Variants in MYO5B observed in about 807,000 individuals in gnomAD.
The protein encoded by MYO5B is myosin VB.
A neutral mutation model predicts 229.3 loss-of-function variants in MYO5B; 143 were observed. The observed-to-expected ratio is 0.62, with a 90% CI of 0.54 to 0.72. The LOEUF is 0.72. MYO5B is among the 30% of genes least tolerant of loss of function. MYO5B has a pLI of 0.00. For missense variants in MYO5B, 2,321 were observed against 2,331.0 expected (o/e 1.00, Z 0.09); for synonymous variants, 918 against 885.2 (o/e 1.04, Z -0.66).
At chr18:50,002,163 C>T (rs1454700242) in intron 4 of MYO5B, among the ~76,000 whole-genome samples, 4 of 152,128 alleles carry the variant, frequency 2.6e-5, no homozygotes, top group African/African-American at 7.2e-5. Context: ...ATCTTTTCTT[C>T]TCCTCCTGCA....
intron 14 of MYO5B, among the ~76,000 whole-genome samples, chr18:49,948,168 A>G (rs975575770): frequency 6.6e-6 from 1 of 152,270 alleles, no homozygotes; most frequent in African/African-American, 2.4e-5. Context: ...CCTCTGAAAC[A>G]GACACATAAA....
chr18:49,984,691 T>C (rs2025852225), intron 8 of MYO5B, 27 bp downstream of exon 8: 7 of 1,546,964 alleles, frequency 4.5e-6, no homozygotes, highest in Non-Finnish European at 5.4e-6. Context: ...CCTCGGGGCC[T>C]GCTTCCCCAA....
intron 1 of MYO5B, among the ~76,000 whole-genome samples, chr18:50,132,221 A>C (rs1365089121): frequency 2.6e-5 from 4 of 152,184 alleles, no homozygotes; most frequent in Non-Finnish European, 5.9e-5. Context: ...TCCTTTTAGG[A>C]TCCTCTGGAA....
intron 36 of MYO5B, among the ~76,000 whole-genome samples, chr18:49,838,072 C>T (rs1050623749): frequency 6.6e-6 from 1 of 152,170 alleles, no homozygotes; most frequent in African/African-American, 2.4e-5. Flanking sequence ...TTTGGTATCG[C>T]CTGTGCTGAA....
Position 50,070,784 on chromosome 18 carries a change from C to A in MYO5B, c.28-15406G>T, listed in dbSNP as rs540932290. The stretch of plus-strand genomic sequence containing the variant: ...CCACATCCCCATCCTACCTGCACCC[C>A]CCGGCCCCTGCACACCCCCACTGCC... On this transcript the variant is annotated intron_variant, in intron 1 of 39. Coordinates refer to ENST00000285039, the MANE Select transcript of MYO5B (RefSeq NM_001080467.3). Among the ~76,000 whole-genome samples, 5 of 152,058 alleles carry A rather than the reference C, an allele frequency of 3.3e-5. No homozygotes were observed. The South Asian group carries it at 6.2e-4, about 19-fold the overall frequency.
At chr18:49,970,679 G>T (rs1016649333) in intron 10 of MYO5B, among the ~76,000 whole-genome samples, 4 of 152,016 alleles carry the variant, frequency 2.6e-5, no homozygotes, top group African/African-American at 4.8e-5. Flanking sequence ...GAATTATTTC[G>T]GTTCATGAAT....
intron 32 of MYO5B, among the ~76,000 whole-genome samples, chr18:49,848,099 C>T (rs114815248): frequency 4.1e-4 from 62 of 152,362 alleles, no homozygotes; most frequent in African/African-American, 1.1e-3. Context: ...GCACACGGGA[C>T]GCTGTCCTAA....
chr18:50,008,039 T>C (rs1029878458), intron 4 of MYO5B, among the ~76,000 whole-genome samples: 2 of 152,186 alleles, frequency 1.3e-5, no homozygotes, highest in Non-Finnish European at 2.9e-5. Context: ...TTATACAGGA[T>C]AATGCATTAT....
intron 1 of MYO5B, among the ~76,000 whole-genome samples, chr18:50,164,066 C>T (rs748959956): frequency 1.5e-4 from 23 of 152,188 alleles, no homozygotes; most frequent in Non-Finnish European, 2.4e-4. Flanking sequence ...CTCTTTTCTG[C>T]ATAACATAAG....
chr18:50,074,491 C>T (rs1484132384), intron 1 of MYO5B, among the ~76,000 whole-genome samples: 6 of 152,200 alleles, frequency 3.9e-5, no homozygotes, highest in African/African-American at 1.4e-4. Context: ...TTGAATCCTG[C>T]ATGTCCTCTC....
chr18:49,985,026 C>T (rs2025856416), intron 7 of MYO5B, among the ~76,000 whole-genome samples: 1 of 152,178 alleles, frequency 6.6e-6, no homozygotes, highest in Admixed American at 6.5e-5. Flanking sequence ...AATTATACGA[C>T]ACTGACAGAA....
At chr18:50,022,560 A>T (rs1265230319) in intron 4 of MYO5B, among the ~76,000 whole-genome samples, 2 of 152,220 alleles carry the variant, frequency 1.3e-5, no homozygotes, top group Admixed American at 6.5e-5. Flanking sequence ...ACTTCTGACG[A>T]TCAAAACAGG....
At chr18:50,097,399 A>G (rs1339631451) in intron 1 of MYO5B, 1 of 399,562 alleles carries the variant, frequency 2.5e-6, no homozygotes, top group South Asian at 1.8e-5. Context: ...AAAGTCCTCA[A>G]TAAAGATTTA....
chr18:50,195,137 G>A lies in MYO5B; in HGVS notation c.-344C>T, dbSNP rs1244813562. 3.1e-5 allele frequency: 6 copies of A among 192,516 alleles called. No homozygotes were observed. The highest frequency in any genetic ancestry group is 2.1e-5 in the Non-Finnish European group (2 of 95,162). 11.9% of individuals were successfully genotyped at this position (192,516 alleles called of 1,614,324 possible). A position where few individuals can be genotyped will look rare whatever the true frequency, so the allele number is the denominator to read the frequency against. On this transcript the variant is annotated 5_prime_UTR_variant, in exon 1 of 40. Transcript: ENST00000285039. ...CGTCAGAGCGGACGGCCCGTGCGCC[G>A]CCGCGCCTCTGAGCCCTGCCGGTGC...
At chr18:50,084,039 G>C (rs889247058) in intron 1 of MYO5B, among the ~76,000 whole-genome samples, 11 of 152,118 alleles carry the variant, frequency 7.2e-5, no homozygotes, top group African/African-American at 1.2e-4. Flanking sequence ...GTTTATCATG[G>C]AACCTCTTCT....
intron 1 of MYO5B, among the ~76,000 whole-genome samples, chr18:50,115,198 C>T (rs1443295218): frequency 3.9e-5 from 6 of 152,210 alleles, no homozygotes; most frequent in Admixed American, 3.9e-4. Flanking sequence ...GGTGGGCAGC[C>T]ACCTGCACAC....
intron 1 of MYO5B, among the ~76,000 whole-genome samples, chr18:50,116,861 A>G (rs373075416): frequency 1.3e-5 from 2 of 151,700 alleles, no homozygotes; most frequent in Non-Finnish European, 2.9e-5. Flanking sequence ...AAAAAAAACC[A>G]AAAAACAAAA....
intron 1 of MYO5B, among the ~76,000 whole-genome samples, chr18:50,132,429 T>C (rs1437861094): frequency 2.0e-5 from 3 of 152,172 alleles, no homozygotes; most frequent in Admixed American, 2.0e-4. Flanking sequence ...GAATATGAGA[T>C]TAATATATAT....
At chr18:49,969,450 C>T (rs2025663345) in intron 10 of MYO5B, among the ~76,000 whole-genome samples, 1 of 152,146 alleles carries the variant, frequency 6.6e-6, no homozygotes, top group South Asian at 2.1e-4. Context: ...AATCATATTT[C>T]TGATAAAAGA....
Sources: gnomAD v4.1 joint callset for allele counts (sites outside exome capture counted in the v4.1 genomes callset) on GRCh38, gnomAD v4.1.1 for gene constraint, MANE v1.5 for transcripts, NCBI Gene and HGNC (gene_info 2026-07-23, HGNC 2026-07-21) for gene names.